Variants in MADCAM1 observed in about 807,000 individuals in gnomAD.
MADCAM1 encodes the protein mucosal vascular addressin cell adhesion molecule 1.
In MADCAM1, 19 loss-of-function variants were observed where a neutral mutation model predicts 26.1. That is an observed-to-expected ratio of 0.73 (90% CI 0.51 to 1.07). The LOEUF is 1.07. MADCAM1 is among the 50% of genes least tolerant of loss of function. The pLI is 0.00. For synonymous variants in MADCAM1, 268 were observed against 260.9 expected (o/e 1.03, Z -0.26); for missense variants, 514 against 542.1 (o/e 0.95, Z 0.51).
intron 4 of MADCAM1, among the ~76,000 whole-genome samples, chr19:502,721 C>T (rs555425606): frequency 2.5e-4 from 38 of 152,296 alleles, no homozygotes; most frequent in Admixed American, 1.8e-3. Context: ...TCATTGTAGA[C>T]GGAACAATGG....
chr19:503,999 G>C (rs1262449756), intron 4 of MADCAM1, among the ~76,000 whole-genome samples: 1 of 151,256 alleles, frequency 6.6e-6, no homozygotes, highest in Non-Finnish European at 1.5e-5. Context: ...AAGTGGCAGT[G>C]AGCTAAGATC....
chr19:503,529 C>G (rs1265552209), intron 4 of MADCAM1, among the ~76,000 whole-genome samples: 1 of 142,662 alleles, frequency 7.0e-6, no homozygotes, highest in East Asian at 2.1e-4. Context: ...TGCAGTGAGC[C>G]GAGATCGCGC....
chr19:504,982 C>T lies in MADCAM1; in HGVS notation c.*17C>T. 6.4e-7 allele frequency: 1 copy of T among 1,560,246 alleles called. No homozygotes were observed. The highest frequency in any genetic ancestry group is 8.7e-7 in the Non-Finnish European group (1 of 1,145,046). ...CCCTCCTGAGTGGCCAGCCTTTCCC[C>T]CTGTGAAAGCAAAATAGCTTGGACC... On this transcript the variant is annotated 3_prime_UTR_variant, in exon 5 of 5. Transcript: ENST00000215637.
At chr19:500,233 C>A in intron 3 of MADCAM1, 2 of 455,454 alleles carry the variant, frequency 4.4e-6, no homozygotes, top group Non-Finnish European at 8.8e-6. Context: ...AGAGGTGACT[C>A]TCACCCCTTT....
intron 3 of MADCAM1, 184 bp from the exon 4 acceptor site, chr19:501,485 C>CA (rs60370701): frequency 2.9e-4 from 24 of 83,520 alleles, no homozygotes; most frequent in Middle Eastern, 4.3e-3. Flanking sequence ...AACTCTGTCT[C>CA]AAAAAAAAAA....
At chr19:499,067 G>A in intron 3 of MADCAM1, 4 of 712,360 alleles carry the variant, frequency 5.6e-6, no homozygotes, top group South Asian at 3.0e-5. Context: ...TGGGGTCAAA[G>A]CCCAAGTCCT....
At chr19:500,212 G>C (rs1978313902) in intron 3 of MADCAM1, 1 of 456,098 alleles carries the variant, frequency 2.2e-6, no homozygotes. Context: ...CTCGCTCTCA[G>C]GGCAGCCCAA....
intron 3 of MADCAM1, chr19:500,283 C>G (rs1232116036): frequency 3.4e-5 from 14 of 413,362 alleles, no homozygotes; most frequent in Non-Finnish European, 4.9e-6. Context: ...ATTAAGGAGG[C>G]TGCTGGGGTG....
chr19:498,618 G>C lies in MADCAM1; in HGVS notation c.460G>C (p.Gly154Arg). 2.0e-6 allele frequency: 3 copies of C among 1,473,444 alleles called. No homozygotes were observed. Among genetic ancestry groups the C allele is most frequent in the Non-Finnish European group, 2.7e-6 (3 of 1,117,414 alleles). The allele number at this position is 1,473,444 out of a possible 1,614,324, so 91.3% of individuals were successfully genotyped here. A position where few individuals can be genotyped will look rare whatever the true frequency, so the allele number is the denominator to read the frequency against. Residue 154 changes from glycine to arginine, a missense_variant, in exon 3 of 5, where the codon GGG becomes CGG. Gly to Arg is a moderately radical substitution (Grantham distance 125). Coordinates refer to ENST00000215637, the MANE Select transcript of MADCAM1 (RefSeq NM_130760.3). ...CGCGCTCTCCTTCTCCCTGCTCGTC[G>C]GGGGCCAGGAACTGGAGGGGGCGCA... ...PNALSFSLLV[G>R]GQELEGAQAL...
rs371335348 is a variant in MADCAM1, at chr19:497,524, GGGGGCTCGGAGGAGGCA to G, written c.53-302_53-286del. 7.6e-3 allele frequency among the ~76,000 whole-genome samples: 1,148 copies of G among 151,080 alleles called. 24 individuals carry two copies. The highest frequency in any genetic ancestry group is 0.027 in the African/African-American group (1,084 of 40,866). Reference sequence around the variant, plus strand: ...GGTGATTGGTGATCCTGCCAGAGGAGGGGGCTCGGAGGAGGCAGGGGCTGAGAGGGGAAGTTGCGGGG... The same window carrying G: ...GGTGATTGGTGATCCTGCCAGAGGAGGGGGCTGAGAGGGGAAGTTGCGGGG... On this transcript the variant is annotated intron_variant, in intron 1 of 4. Coordinates refer to ENST00000215637, the MANE Select transcript of MADCAM1 (RefSeq NM_130760.3).
chr19:500,946 G>A (rs1191749360), intron 3 of MADCAM1, among the ~76,000 whole-genome samples: 1 of 151,934 alleles, frequency 6.6e-6, no homozygotes, highest in African/African-American at 2.4e-5. Flanking sequence ...GCCAGCCATG[G>A]GAGGCTGAGG....
intron 4 of MADCAM1, among the ~76,000 whole-genome samples, chr19:503,966 A>G (rs1453496329): frequency 6.6e-6 from 1 of 151,718 alleles, no homozygotes; most frequent in Non-Finnish European, 1.5e-5. Flanking sequence ...GAAGCAGGAG[A>G]ATCACTTGAA....
At chr19:499,020 C>A in intron 3 of MADCAM1, 195 bp downstream of exon 3, 1 of 870,874 alleles carries the variant, frequency 1.1e-6, no homozygotes, top group Non-Finnish European at 1.8e-6. Flanking sequence ...ACAGGTCCCA[C>A]CCCTCCCCTG....
At chr19:503,617 C>T (rs994938939) in intron 4 of MADCAM1, among the ~76,000 whole-genome samples, 10 of 149,420 alleles carry the variant, frequency 6.7e-5, no homozygotes, top group South Asian at 2.1e-4. Flanking sequence ...ATAATGTGGT[C>T]GGGCCAAGCA....
chr19:503,772 G>C (rs1305497925), intron 4 of MADCAM1, among the ~76,000 whole-genome samples: 1 of 151,552 alleles, frequency 6.6e-6, no homozygotes, highest in Non-Finnish European at 1.5e-5. Context: ...GTGTTGGCCA[G>C]ACACGGTGGC....
chr19:505,242 G>A lies in MADCAM1; in HGVS notation c.*277G>A, dbSNP rs916111539. The A allele has an allele frequency of 4.2e-5, 16 of 378,446 alleles. No individual in the cohort carries two copies. Among genetic ancestry groups the A allele is most frequent in the Middle Eastern group, 6.7e-4 (1 of 1,498 alleles). The allele number at this position is 378,446 out of a possible 1,614,324, so 23.4% of individuals were successfully genotyped here. On this transcript the variant is annotated 3_prime_UTR_variant, in exon 5 of 5. Coordinates refer to ENST00000215637, the MANE Select transcript of MADCAM1 (RefSeq NM_130760.3). ...TTACATACATTGATTCATGTCTCAC[G>A]TCTCCCTAAAAATGCGTAAGACCAA... is the stretch of plus-strand genomic sequence containing the variant.
intron 3 of MADCAM1, chr19:501,400 G>A (rs745392133): frequency 4.7e-5 from 15 of 322,034 alleles, no homozygotes; most frequent in African/African-American, 2.6e-4. Flanking sequence ...CAGGGGAATC[G>A]CTTGAACCTG....
In MADCAM1 at chr19:505,326, A is replaced by G; in HGVS notation, c.*361A>G. 1 of 213,672 alleles carries G rather than the reference A, an allele frequency of 4.7e-6. No individual in the cohort carries two copies. The highest frequency in any genetic ancestry group is 9.3e-6 in the Non-Finnish European group (1 of 107,824). The allele number at this position is 213,672 out of a possible 1,614,324, so 13.2% of individuals were successfully genotyped here. A position where few individuals can be genotyped will look rare whatever the true frequency, so the allele number is the denominator to read the frequency against. ...AGGACCTCCTGAGGCTTTGGCAAATAAACCTCCTAAAATGATACAAACGTG... is the reference window on the plus strand; with the variant it reads ...AGGACCTCCTGAGGCTTTGGCAAATGAACCTCCTAAAATGATACAAACGTG... On this transcript the variant is annotated 3_prime_UTR_variant, in exon 5 of 5. Transcript: ENST00000215637.
intron 3 of MADCAM1, among the ~76,000 whole-genome samples, chr19:500,374 A>G (rs1978315336): frequency 6.6e-6 from 1 of 152,206 alleles, no homozygotes; most frequent in Non-Finnish European, 1.5e-5. Context: ...TCATCTGTCC[A>G]GTGGACTTCC....
Sources: gnomAD v4.1 joint callset for allele counts (sites outside exome capture counted in the v4.1 genomes callset) on GRCh38, gnomAD v4.1.1 for gene constraint, MANE v1.5 for transcripts, NCBI Gene and HGNC (gene_info 2026-07-23, HGNC 2026-07-21) for gene names.